Variants in MAN1A1 observed in about 807,000 individuals in gnomAD.
MAN1A1 encodes the protein mannosidase alpha class 1A member 1.
Under a neutral mutation model 70.8 loss-of-function variants are expected in MAN1A1, and 29 were observed. That is an observed-to-expected ratio of 0.41 (90% CI 0.31 to 0.56). The LOEUF (loss-of-function observed/expected upper bound fraction) is 0.56. Ranked by LOEUF, MAN1A1 falls within the 20% of genes least tolerant of loss-of-function variation. The probability of loss-of-function intolerance (pLI) is 0.29; values close to 1 mark genes in which losing one functional copy is unlikely to be tolerated. For missense variants in MAN1A1, 747 were observed against 841.3 expected (o/e 0.89, Z 1.39); for synonymous variants, 349 against 330.1 (o/e 1.06, Z -0.62).
At chr6:119,299,848 A>C (rs2114436805) in intron 4 of MAN1A1, among the ~76,000 whole-genome samples, 1 of 152,246 alleles carries the variant, frequency 6.6e-6, no homozygotes, top group African/African-American at 2.4e-5. Flanking sequence ...TTACCTTTGC[A>C]CTTAGTCATT....
intron 5 of MAN1A1, among the ~76,000 whole-genome samples, chr6:119,260,386 T>C (rs978429102): frequency 6.6e-6 from 1 of 152,232 alleles, no homozygotes; most frequent in Non-Finnish European, 1.5e-5. Context: ...TATTAGTCAA[T>C]ATTTAGGTTT....
chr6:119,263,158 T>C (rs151337743), intron 5 of MAN1A1, among the ~76,000 whole-genome samples: 14 of 152,272 alleles, frequency 9.2e-5, no homozygotes, highest in Middle Eastern at 3.4e-3. Flanking sequence ...TTGTGGGACC[T>C]TGTGATCGTG....
chr6:119,285,228 T>G (rs1038892026), intron 5 of MAN1A1, among the ~76,000 whole-genome samples: 1 of 151,160 alleles, frequency 6.6e-6, no homozygotes, highest in African/African-American at 2.4e-5. Flanking sequence ...TCCCCCTCCC[T>G]CAGTCTCCCC....
chr6:119,283,566 G>A (rs1042847739), intron 5 of MAN1A1, among the ~76,000 whole-genome samples: 1 of 151,984 alleles, frequency 6.6e-6, no homozygotes, highest in Admixed American at 6.6e-5. Context: ...GGTGGGGAGG[G>A]GGTGTCTTAG....
chr6:119,252,408 A>G (rs6938347), intron 5 of MAN1A1, among the ~76,000 whole-genome samples: 1,858 of 152,330 alleles, frequency 0.012, 49 homozygotes, highest in African/African-American at 0.043. Context: ...TTTGAGTTCA[A>G]AATGGGTGGT....
At chr6:119,274,304 T>C (rs186301103) in intron 5 of MAN1A1, among the ~76,000 whole-genome samples, 3 of 152,282 alleles carry the variant, frequency 2.0e-5, no homozygotes, top group Admixed American at 2.0e-4. Flanking sequence ...GTGAATAAAA[T>C]ATAAAGAGCA....
rs576127603 is a variant in MAN1A1, at chr6:119,313,491, CTCTT to C, written c.604-6503_604-6500del. 2.0e-5 allele frequency among the ~76,000 whole-genome samples: 3 copies of C among 152,186 alleles called. No individual in the cohort carries two copies. The South Asian group carries it at 6.2e-4, about 32-fold the overall frequency. ...TGCTGAAATAAATGTATCCCCTTCT[CTCTT>C]TCCCAAAGGCTGTCAAGGTGTTCTA... On this transcript the variant is annotated intron_variant, in intron 2 of 12. Transcript: ENST00000368468.
intron 5 of MAN1A1, among the ~76,000 whole-genome samples, chr6:119,281,297 T>C (rs1299354435): frequency 2.6e-5 from 4 of 152,200 alleles, no homozygotes; most frequent in East Asian, 1.9e-4. Flanking sequence ...GTAATTCTTA[T>C]CTTCTGCTAC....
intron 6 of MAN1A1, among the ~76,000 whole-genome samples, chr6:119,236,036 G>A (rs901390088): frequency 5.3e-5 from 8 of 151,998 alleles, no homozygotes; most frequent in African/African-American, 1.9e-4. Flanking sequence ...CTACTCAGGA[G>A]GCTGAGTCAG....
intron 11 of MAN1A1, among the ~76,000 whole-genome samples, chr6:119,185,844 GTTTTTT>G: frequency 7.6e-6 from 1 of 132,144 alleles, no homozygotes; most frequent in South Asian, 2.6e-4. Flanking sequence ...TGGCCTCCCA[GTTTTTT>G]TTTTTTTTTT....
intron 6 of MAN1A1, among the ~76,000 whole-genome samples, chr6:119,236,990 T>C (rs948428175): frequency 2.6e-5 from 4 of 152,062 alleles, no homozygotes; most frequent in African/African-American, 9.7e-5. Context: ...AAGACTTCAG[T>C]GGAGGAAGTA....
At chr6:119,345,107 GAA>G (rs912087774) in intron 2 of MAN1A1, among the ~76,000 whole-genome samples, 1 of 125,582 alleles carries the variant, frequency 8.0e-6, no homozygotes, top group Non-Finnish European at 1.7e-5. Flanking sequence ...TCAGAAAAAC[GAA>G]AAAAAAAGTC....
chr6:119,273,205 G>C (rs1031596791), intron 5 of MAN1A1, among the ~76,000 whole-genome samples: 3 of 152,054 alleles, frequency 2.0e-5, no homozygotes, highest in Admixed American at 2.0e-4. Context: ...AATATTTTCT[G>C]ATCAAAAGAA....
chr6:119,246,526 T>C (rs1775171233), intron 6 of MAN1A1, among the ~76,000 whole-genome samples: 1 of 152,176 alleles, frequency 6.6e-6, no homozygotes, highest in Admixed American at 6.6e-5. Context: ...TTTAAATGAC[T>C]GCTGCAAGAC....
At chr6:119,327,081 A>C (rs1001293786) in intron 2 of MAN1A1, among the ~76,000 whole-genome samples, 3 of 152,206 alleles carry the variant, frequency 2.0e-5, no homozygotes, top group African/African-American at 7.2e-5. Context: ...GGCAGGTATG[A>C]TGAAAGTTAC....
chr6:119,314,459 T>G (rs906857697), intron 2 of MAN1A1, among the ~76,000 whole-genome samples: 2 of 152,212 alleles, frequency 1.3e-5, no homozygotes, highest in Non-Finnish European at 2.9e-5. Flanking sequence ...TGATATAATT[T>G]AACACATCCA....
At chr6:119,191,172 T>C (rs186918023) in intron 9 of MAN1A1, among the ~76,000 whole-genome samples, 4 of 152,342 alleles carry the variant, frequency 2.6e-5, no homozygotes, top group Admixed American at 2.6e-4. Flanking sequence ...GTTTAGTTAT[T>C]ACATTAATAT....
intron 6 of MAN1A1, among the ~76,000 whole-genome samples, chr6:119,229,315 A>G (rs1020657187): frequency 1.9e-4 from 29 of 152,158 alleles, no homozygotes; most frequent in Non-Finnish European, 3.5e-4. Context: ...GTGTTATAAT[A>G]AAGCTCCATC....
At chr6:119,258,154 T>C (rs1041422004) in intron 5 of MAN1A1, among the ~76,000 whole-genome samples, 2 of 152,156 alleles carry the variant, frequency 1.3e-5, no homozygotes, top group Non-Finnish European at 2.9e-5. Context: ...TGTGACATCA[T>C]AGGGTTAAAA....
Sources: allele counts gnomAD v4.1 joint callset (sites outside exome capture counted in the v4.1 genomes callset), GRCh38; gene constraint gnomAD v4.1.1; transcripts MANE v1.5; gene names NCBI Gene and HGNC (gene_info 2026-07-23, HGNC 2026-07-21).